Variants in PFKFB3 observed in about 807,000 individuals in gnomAD.
PFKFB3 encodes 6-phosphofructo-2-kinase/fructose-2,6-bisphosphatase 3.
A neutral mutation model predicts 68.0 loss-of-function variants in PFKFB3; 33 were observed. The ratio of observed to expected loss-of-function variants is 0.49; its 90% CI spans 0.37 to 0.65. The LOEUF is 0.65. Ranked by LOEUF, PFKFB3 falls within the 30% of genes least tolerant of loss-of-function variation. PFKFB3 has a pLI of 0.00. For missense variants in PFKFB3, 586 were observed against 712.2 expected (o/e 0.82, Z 2.02); for synonymous variants, 315 against 288.2 (o/e 1.09, Z -0.94).
At chr10:6,261,519 G>A in the PFKFB3 span, among the ~76,000 whole-genome samples, 1 of 152,190 alleles carries the variant, frequency 6.6e-6, no homozygotes, top group Middle Eastern at 3.2e-3. Flanking sequence ...CAGACACTGG[G>A]GCCTTGTTGA....
chr10:6,228,892 G>T lies in PFKFB3; in HGVS notation c.1515+2527G>T, dbSNP rs542227828. On this transcript the variant is annotated intron_variant, in intron 14 of 14. Transcript: ENST00000379775. The surrounding 1 kb of genome is among the most constrained non-coding windows in gnomAD (Gnocchi z 4.5). Reference sequence around the variant, plus strand: ...ACTTCTGCTCCTCCCAGAGCTCTCTGCAGAGTTTCAGGTTCAGCCTTAGCT... The same window carrying T: ...ACTTCTGCTCCTCCCAGAGCTCTCTTCAGAGTTTCAGGTTCAGCCTTAGCT... Among the ~76,000 whole-genome samples, 1 of 152,234 alleles carries T rather than the reference G, an allele frequency of 6.6e-6. No individual in the cohort carries two copies. The highest frequency in any genetic ancestry group is 2.1e-4 in the South Asian group (1 of 4,824).
At chr10:6,323,369 T>G in the PFKFB3 span, among the ~76,000 whole-genome samples, 170 of 152,296 alleles carry the variant, frequency 1.1e-3, 1 homozygote, top group East Asian at 0.016. Context: ...AGGAAGAGTT[T>G]CAATGTCCAT....
At chr10:6,276,418 A>C in the PFKFB3 span, among the ~76,000 whole-genome samples, 1 of 152,038 alleles carries the variant, frequency 6.6e-6, no homozygotes, top group Non-Finnish European at 1.5e-5. Context: ...CCCAAGAAAC[A>C]AACCAAAAAA....
intron 11 of PFKFB3, among the ~76,000 whole-genome samples, chr10:6,223,436 A>C (rs1487863476): frequency 6.6e-6 from 1 of 152,100 alleles, no homozygotes. Flanking sequence ...TCCCAACTCT[A>C]AGTCACCGTG....
chr10:6,279,196 A>G, the PFKFB3 span, among the ~76,000 whole-genome samples: 1 of 152,222 alleles, frequency 6.6e-6, no homozygotes, highest in Admixed American at 6.5e-5. Context: ...TATATAGTCT[A>G]TATTCATGCA....
the PFKFB3 span, chr10:6,277,762 T>C: frequency 5.8e-5 from 25 of 429,226 alleles, no homozygotes; most frequent in Admixed American, 1.5e-4. Flanking sequence ...CCTAAGGAAC[T>C]ATGAGCCAAT....
chr10:6,298,477 A>T, the PFKFB3 span, among the ~76,000 whole-genome samples: 1 of 151,248 alleles, frequency 6.6e-6, no homozygotes, highest in Non-Finnish European at 1.5e-5. Context: ...GGGTCAAGAG[A>T]TCCTCTCATC....
the PFKFB3 span, among the ~76,000 whole-genome samples, chr10:6,264,427 G>A: frequency 1.3e-5 from 2 of 152,232 alleles, no homozygotes; most frequent in East Asian, 3.9e-4. Flanking sequence ...GGTAACTTTG[G>A]GAAGAACTGA....
chr10:6,303,431 T>G, the PFKFB3 span, among the ~76,000 whole-genome samples: 2 of 152,208 alleles, frequency 1.3e-5, no homozygotes, highest in Non-Finnish European at 2.9e-5. Context: ...TATTACAATT[T>G]TTATTAGTTT....
rs949449709 is a variant in PFKFB3 at position 6,173,123 on chromosome 10, G to A, written c.16+28110G>A. ...TCATTGTGCCCTACTTGTCTACTTC[G>A]GGAACTCTCCTTCACCACTCACCTC... On this transcript the variant is annotated intron_variant, in intron 1 of 14. Transcript: ENST00000379789. 9.2e-5 allele frequency among the ~76,000 whole-genome samples: 14 copies of A among 152,244 alleles called. 1 individual carries two copies. Among genetic ancestry groups the A allele is most frequent in the Admixed American group, 8.5e-4 (13 of 15,292 alleles).
the PFKFB3 span, among the ~76,000 whole-genome samples, chr10:6,301,942 G>A: frequency 6.6e-6 from 1 of 152,224 alleles, no homozygotes; most frequent in African/African-American, 2.4e-5. Context: ...ACACAGGTTA[G>A]TGACTGGATG....
intron 1 of PFKFB3, among the ~76,000 whole-genome samples, chr10:6,169,006 G>T (rs1026579650): frequency 9.7e-6 from 1 of 102,796 alleles, no homozygotes; most frequent in African/African-American, 3.1e-5. Context: ...ACCCAGGCTG[G>T]AGTGCACTGG....
intron 14 of PFKFB3, among the ~76,000 whole-genome samples, chr10:6,252,980 G>A (rs1346218140): frequency 2.6e-5 from 4 of 152,100 alleles, no homozygotes; most frequent in African/African-American, 7.2e-5. Flanking sequence ...GTGCAGTGGC[G>A]CGATGTCAGC....
the PFKFB3 span, among the ~76,000 whole-genome samples, chr10:6,324,334 G>A: frequency 1.3e-5 from 2 of 152,178 alleles, no homozygotes; most frequent in East Asian, 1.9e-4. Context: ...TAATACTTAC[G>A]GTGAAATTCT....
chr10:6,202,870 C>G (rs1843421152), upstream of PFKFB3: 2 of 1,046,716 alleles, frequency 1.9e-6, no homozygotes, highest in African/African-American at 1.7e-5. Context: ...CGCCCCGAGG[C>G]TGACGTACGC....
intron 14 of PFKFB3, 36 bp from the exon 15 acceptor site, chr10:6,232,859 A>G (rs372319781): frequency 5.9e-5 from 93 of 1,579,104 alleles, no homozygotes; most frequent in Non-Finnish European, 7.4e-5. Context: ...TACAAATCCT[A>G]ACTCCCTCCC....
At chr10:6,173,289 C>T (rs1469574346) in intron 1 of PFKFB3, among the ~76,000 whole-genome samples, 1 of 152,128 alleles carries the variant, frequency 6.6e-6, no homozygotes, top group East Asian at 1.9e-4. Flanking sequence ...CACAAGAGGT[C>T]GAGGCGCAAC....
intron 6 of PFKFB3, among the ~76,000 whole-genome samples, chr10:6,219,222 C>T (rs754884047): frequency 4.6e-5 from 7 of 152,256 alleles, no homozygotes; most frequent in African/African-American, 1.2e-4. Context: ...CGGATCCTCA[C>T]GTGGAGCTCG....
At position 6,215,383 on chromosome 10, in the gene PFKFB3, G is replaced by A; in HGVS notation, c.299+66G>A. On this transcript the variant is annotated intron_variant, in intron 3 of 14. Coordinates refer to ENST00000379775, the MANE Select transcript of PFKFB3 (RefSeq NM_004566.4). This position sits in a 1 kb window ranked among gnomAD's most constrained non-coding sequence, Gnocchi z 4.3. Reference sequence around the variant, plus strand: ...AAGGCTGGGCCGCGGGCATAAGGCTGGGCTGCAGGAGTAAGGCTGGGCCGC... The same window carrying A: ...AAGGCTGGGCCGCGGGCATAAGGCTAGGCTGCAGGAGTAAGGCTGGGCCGC... 8.0e-7 allele frequency: 1 copy of A among 1,252,250 alleles called. No individual in the cohort carries two copies. The highest frequency in any genetic ancestry group is 1.2e-5 in the South Asian group (1 of 82,060). The allele number at this position is 1,252,250 out of a possible 1,614,324, so 77.6% of individuals were successfully genotyped here.
Sources: allele counts gnomAD v4.1 joint callset (sites outside exome capture counted in the v4.1 genomes callset), GRCh38; gene constraint gnomAD v4.1.1; non-coding constraint Gnocchi (gnomAD v3.1); transcripts MANE v1.5; gene names NCBI Gene and HGNC (gene_info 2026-07-23, HGNC 2026-07-21).